The following GRID2 variants were observed in gnomAD, a reference collection of about 807,000 sequenced individuals.
GRID2 encodes the protein glutamate ionotropic receptor delta type subunit 2, also known as glutamate receptor ionotropic, delta-2.
In GRID2, 33 loss-of-function variants were observed where a neutral mutation model predicts 114.8. The observed-to-expected ratio is 0.29, with a 90% CI of 0.22 to 0.38. The LOEUF is 0.38. Among genes scored for constraint, GRID2 ranks in the 10% least tolerant of loss-of-function variants. GRID2 has a pLI of 1.00. For synonymous variants in GRID2, 505 were observed against 449.9 expected, an observed-to-expected ratio of 1.12 and a Z score of -1.55; for missense variants, 1,184 against 1,257.7, an observed-to-expected ratio of 0.94 and a Z score of 0.89.
chr4:93,412,831 G>C (rs933256733), intron 9 of GRID2, among the ~76,000 whole-genome samples: 1 of 152,140 alleles, frequency 6.6e-6, no homozygotes, highest in South Asian at 2.1e-4. Flanking sequence ...CCACTTATGA[G>C]TGAGAACATG....
chr4:92,840,816 T>C (rs1190051180), intron 2 of GRID2, among the ~76,000 whole-genome samples: 2 of 152,102 alleles, frequency 1.3e-5, no homozygotes, highest in Non-Finnish European at 1.5e-5. Context: ...TTTGAAGCTC[T>C]CTTGCTTCAA....
intron 8 of GRID2, among the ~76,000 whole-genome samples, chr4:93,383,145 C>A (rs1399665032): frequency 6.6e-6 from 1 of 152,020 alleles, no homozygotes; most frequent in Non-Finnish European, 1.5e-5. Context: ...CAGGCACTGG[C>A]CATTTAAATC....
At chr4:93,029,764 CA>C (rs1553969030) in intron 2 of GRID2, among the ~76,000 whole-genome samples, 1 of 151,934 alleles carries the variant, frequency 6.6e-6, no homozygotes, top group Non-Finnish European at 1.5e-5. Context: ...ATTTAATTCA[CA>C]AAAAGCGAAT....
intron 2 of GRID2, among the ~76,000 whole-genome samples, chr4:92,711,736 T>C (rs1264853756): frequency 6.6e-6 from 1 of 151,876 alleles, no homozygotes; most frequent in African/African-American, 2.4e-5. Flanking sequence ...AACTCTGTCT[T>C]TACAAAAAAT....
chr4:93,188,519 T>C (rs1740654941), intron 4 of GRID2, among the ~76,000 whole-genome samples: 1 of 152,178 alleles, frequency 6.6e-6, no homozygotes, highest in East Asian at 1.9e-4. Flanking sequence ...TGTGGAGTTC[T>C]TCTGTCCATT....
intron 2 of GRID2, among the ~76,000 whole-genome samples, chr4:92,972,127 C>G (rs1027773541): frequency 6.6e-6 from 1 of 151,270 alleles, no homozygotes; most frequent in African/African-American, 2.4e-5. Flanking sequence ...CCATACTGTT[C>G]TCCATAGCAG....
At chr4:92,731,239 T>TC (rs1553921510) in intron 2 of GRID2, among the ~76,000 whole-genome samples, 127 of 151,806 alleles carry the variant, frequency 8.4e-4, no homozygotes, top group Middle Eastern at 6.8e-3. Flanking sequence ...TGATTTTTTT[T>TC]TTTCTTTCTT....
At chr4:93,776,803 A>G (rs1390624458), downstream of GRID2, among the ~76,000 whole-genome samples, 1 of 152,174 alleles carries the variant, frequency 6.6e-6, no homozygotes, top group Admixed American at 6.5e-5. Context: ...GAAAATTACT[A>G]TCTAACCCTT....
At chr4:93,695,260 T>G (rs924309929) in intron 14 of GRID2, among the ~76,000 whole-genome samples, 2 of 152,176 alleles carry the variant, frequency 1.3e-5, no homozygotes, top group Non-Finnish European at 2.9e-5. Flanking sequence ...AGATAAGACT[T>G]TTAGCCTCAA....
At chr4:92,338,609 A>T (rs192135064) in intron 1 of GRID2, among the ~76,000 whole-genome samples, 1 of 152,206 alleles carries the variant, frequency 6.6e-6, no homozygotes. Flanking sequence ...ATGATACAAA[A>T]AAGAATTGTT....
At chr4:93,424,709 T>G (rs1768668157) in intron 10 of GRID2, among the ~76,000 whole-genome samples, 2 of 152,174 alleles carry the variant, frequency 1.3e-5, no homozygotes, top group African/African-American at 4.8e-5. Flanking sequence ...ACTTCTGGGA[T>G]AGGTTACATT....
chr4:93,223,352 T>A (rs1031388719), intron 6 of GRID2, among the ~76,000 whole-genome samples: 1 of 152,226 alleles, frequency 6.6e-6, no homozygotes, highest in African/African-American at 2.4e-5. Context: ...ATTATACATA[T>A]AAAATGATAT....
chr4:92,652,951 AAT>A (rs925321947), intron 2 of GRID2, among the ~76,000 whole-genome samples: 1 of 127,964 alleles, frequency 7.8e-6, no homozygotes, highest in Non-Finnish European at 1.7e-5. Flanking sequence ...TATATTTATA[AAT>A]ATATATAAAC....
At chr4:93,060,506 G>C (rs995720345) in intron 2 of GRID2, among the ~76,000 whole-genome samples, 1 of 152,030 alleles carries the variant, frequency 6.6e-6, no homozygotes, top group African/African-American at 2.4e-5. Context: ...ATCAGCTTCT[G>C]TAGGAAAACA....
At chr4:93,609,380 C>A (rs1422261350) in intron 13 of GRID2, among the ~76,000 whole-genome samples, 36 of 84,952 alleles carry the variant, frequency 4.2e-4, no homozygotes, top group Non-Finnish European at 5.3e-4. Context: ...GGCATGAAGT[C>A]CTTGCCCACG....
intron 2 of GRID2, among the ~76,000 whole-genome samples, chr4:92,723,554 C>T (rs1735913636): frequency 6.6e-6 from 1 of 152,124 alleles, no homozygotes; most frequent in Non-Finnish European, 1.5e-5. Context: ...CTTAAAATCA[C>T]CTTTCCTGTC....
At chr4:92,321,603 G>A (rs965265473) in intron 1 of GRID2, among the ~76,000 whole-genome samples, 1 of 152,106 alleles carries the variant, frequency 6.6e-6, no homozygotes, top group African/African-American at 2.4e-5. Context: ...TTGTAAAAGA[G>A]CCAAGAGTGG....
chr4:92,433,723 G>T (rs975287570), intron 1 of GRID2, among the ~76,000 whole-genome samples: 3 of 152,146 alleles, frequency 2.0e-5, no homozygotes, highest in African/African-American at 7.2e-5. Context: ...TCTTATGGAG[G>T]TGCTTTCTTA....
chr4:92,445,693 T>C (rs1398118070), intron 1 of GRID2, among the ~76,000 whole-genome samples: 2 of 152,210 alleles, frequency 1.3e-5, no homozygotes, highest in Admixed American at 6.5e-5. Flanking sequence ...GGGATTATGA[T>C]ACAGACTAGC....
Sources: gnomAD v4.1 joint callset for allele counts (sites outside exome capture counted in the v4.1 genomes callset) on GRCh38, gnomAD v4.1.1 for gene constraint, MANE v1.5 for transcripts, NCBI Gene and HGNC (gene_info 2026-07-23, HGNC 2026-07-21) for gene names.